The following CMPK1 variants were observed in gnomAD, a reference collection of about 807,000 sequenced individuals.
CMPK1 encodes the protein UMP-CMP kinase.
Under a neutral mutation model 25.7 loss-of-function variants are expected in CMPK1, and 10 were observed. The observed-to-expected ratio is 0.39, with a 90% CI of 0.24 to 0.66. The LOEUF (loss-of-function observed/expected upper bound fraction) is 0.66, where lower values mean the gene tolerates loss of function less well. Ranked by LOEUF, CMPK1 falls within the 30% of genes least tolerant of loss-of-function variation. CMPK1 has a pLI of 0.48. For missense variants in CMPK1, 199 were observed against 280.5 expected (o/e 0.71, Z 2.08); for synonymous variants, 106 against 101.5 (o/e 1.04, Z -0.27).
chr1:47,375,128 G>A, intron 4 of CMPK1, 69 bp from the exon 5 acceptor site: 1 of 1,324,994 alleles, frequency 7.5e-7, no homozygotes, highest in Non-Finnish European at 1.1e-6. Flanking sequence ...AGTGTTCTGT[G>A]AGCTCTCCTA....
intron 1 of CMPK1, among the ~76,000 whole-genome samples, chr1:47,365,550 C>G (rs919155914): frequency 6.9e-6 from 1 of 145,826 alleles, no homozygotes; most frequent in Non-Finnish European, 1.5e-5. Context: ...GGGAGAATTG[C>G]TTAAGCCTAG....
At chr1:47,341,955 TC>T (rs1646444454) in intron 1 of CMPK1, among the ~76,000 whole-genome samples, 1 of 151,952 alleles carries the variant, frequency 6.6e-6, no homozygotes, top group Admixed American at 6.6e-5. Context: ...TCTTGCTCAG[TC>T]CCCCAGGCTG....
intron 1 of CMPK1, among the ~76,000 whole-genome samples, chr1:47,357,705 C>T (rs936850054): frequency 3.3e-5 from 5 of 151,840 alleles, no homozygotes; most frequent in African/African-American, 1.2e-4. Flanking sequence ...GGCTGATTTT[C>T]AACACCTAAC....
chr1:47,345,620 A>G (rs1037199246), intron 1 of CMPK1, among the ~76,000 whole-genome samples: 5 of 151,462 alleles, frequency 3.3e-5, no homozygotes, highest in African/African-American at 1.2e-4. Flanking sequence ...CAGCCTCCTA[A>G]GTAGCTGGGA....
At chr1:47,358,189 G>T in intron 1 of CMPK1, 1 of 407,514 alleles carries the variant, frequency 2.5e-6, no homozygotes, top group South Asian at 1.7e-5. Flanking sequence ...ATAGCTTACT[G>T]CCGCCTCTAA....
At position 47,365,650 on chromosome 1, in the gene CMPK1, AGTG is replaced by A. The variant is rs751616617; in HGVS notation, c.172-2818_172-2816del. ...CCCTGTCTCAAAAAAAAAAAAAAAA[AGTG>A]AGAGAAATTGAACAAGATGGTTTGA... On this transcript the variant is annotated intron_variant, in intron 1 of 5. Coordinates refer to ENST00000371873, the MANE Select transcript of CMPK1 (RefSeq NM_016308.3). Among the ~76,000 whole-genome samples, 1,160 of 149,030 alleles carry A rather than the reference AGTG, an allele frequency of 7.8e-3. 5 individuals carry two copies. Among genetic ancestry groups the A allele is most frequent in the Non-Finnish European group, 0.014 (907 of 66,756 alleles).
intron 1 of CMPK1, among the ~76,000 whole-genome samples, chr1:47,334,847 G>A (rs1041774924): frequency 1.1e-4 from 16 of 152,318 alleles, no homozygotes; most frequent in South Asian, 8.3e-4. Context: ...GCCTCAGTTA[G>A]CCCTTGTAAT....
chr1:47,336,501 GTTATTT>G (rs1227390999), intron 1 of CMPK1, among the ~76,000 whole-genome samples: 1 of 151,920 alleles, frequency 6.6e-6, no homozygotes, highest in Non-Finnish European at 1.5e-5. Flanking sequence ...TATTATATTG[GTTATTT>G]TTATTGGTGG....
At chr1:47,347,716 C>T (rs914241082) in intron 1 of CMPK1, among the ~76,000 whole-genome samples, 1 of 152,284 alleles carries the variant, frequency 6.6e-6, no homozygotes, top group South Asian at 2.1e-4. Flanking sequence ...ACCTGTGTCT[C>T]CCAGGTTCAA....
rs570499489 is a variant in CMPK1, at chr1:47,346,634, A to G, written c.171+12518A>G. On this transcript the variant is annotated intron_variant, in intron 1 of 5. Coordinates refer to ENST00000371873, the MANE Select transcript of CMPK1 (RefSeq NM_016308.3). ...TTGTCCTGCCTCATCCTCCCAAGTA[A>G]CTGGCACTACAGGTGTGCGCCACCA... 2.7e-5 allele frequency among the ~76,000 whole-genome samples: 4 copies of G among 150,664 alleles called. No homozygotes were observed. In the South Asian group the frequency reaches 8.4e-4, roughly 32 times the overall value.
chr1:47,345,496 CTTTT>C (rs758503471), intron 1 of CMPK1, among the ~76,000 whole-genome samples: 2 of 142,746 alleles, frequency 1.4e-5, no homozygotes. Flanking sequence ...AATTTAATTT[CTTTT>C]TTTTTTTTTT....
intron 1 of CMPK1, among the ~76,000 whole-genome samples, chr1:47,356,419 T>C (rs1281272681): frequency 1.3e-5 from 2 of 152,188 alleles, no homozygotes; most frequent in Non-Finnish European, 2.9e-5. Flanking sequence ...TTTTATAAAA[T>C]CTTATGTCAC....
intron 1 of CMPK1, among the ~76,000 whole-genome samples, chr1:47,338,278 A>G (rs879561301): frequency 2.1e-4 from 32 of 152,304 alleles, no homozygotes; most frequent in Admixed American, 1.8e-3. Flanking sequence ...AGGCACTGAA[A>G]TTAGTGAAGT....
intron 1 of CMPK1, among the ~76,000 whole-genome samples, chr1:47,361,487 G>A (rs1225121651): frequency 6.6e-6 from 1 of 152,208 alleles, no homozygotes; most frequent in Admixed American, 6.5e-5. Context: ...CCTCTATAAA[G>A]TGGCTGAAAC....
At chr1:47,372,771 G>T (rs929164463) in intron 2 of CMPK1, among the ~76,000 whole-genome samples, 184 bp from the exon 3 acceptor site, 78 of 151,218 alleles carry the variant, frequency 5.2e-4, no homozygotes, top group African/African-American at 1.8e-3. Context: ...TACATTGATA[G>T]ATTTCCTTCT....
At chr1:47,355,270 TCCTGA>T (rs1439331213) in intron 1 of CMPK1, among the ~76,000 whole-genome samples, 1 of 151,470 alleles carries the variant, frequency 6.6e-6, no homozygotes, top group African/African-American at 2.4e-5. Context: ...GGTCTTGAAC[TCCTGA>T]CCTCAGGTGA....
At chr1:47,341,313 A>G (rs545688755) in intron 1 of CMPK1, among the ~76,000 whole-genome samples, 2 of 152,312 alleles carry the variant, frequency 1.3e-5, no homozygotes, top group South Asian at 4.1e-4. Context: ...ACTGTATCAT[A>G]GATATCCTTT....
intron 1 of CMPK1, among the ~76,000 whole-genome samples, chr1:47,351,171 C>A (rs1646520429): frequency 6.6e-6 from 1 of 152,068 alleles, no homozygotes; most frequent in African/African-American, 2.4e-5. Flanking sequence ...GCAACCTCCG[C>A]CTCCCAGATT....
chr1:47,374,047 A>T (rs1178013220), intron 3 of CMPK1, among the ~76,000 whole-genome samples: 1 of 152,052 alleles, frequency 6.6e-6, no homozygotes, highest in Non-Finnish European at 1.5e-5. Context: ...ATCTTGCTGC[A>T]GCCTTTGTGT....
Sources: gnomAD v4.1 joint callset for allele counts (sites outside exome capture counted in the v4.1 genomes callset) on GRCh38, gnomAD v4.1.1 for gene constraint, MANE v1.5 for transcripts, NCBI Gene and HGNC (gene_info 2026-07-23, HGNC 2026-07-21) for gene names.